The following COLEC10 variants were observed in gnomAD, a reference collection of about 807,000 sequenced individuals.
COLEC10 encodes the protein collectin-10.
In COLEC10, 22 loss-of-function variants were observed where a neutral mutation model predicts 28.4. The ratio of observed to expected loss-of-function variants is 0.78; its 90% CI spans 0.55 to 1.11. The LOEUF (loss-of-function observed/expected upper bound fraction) is 1.11, where lower values mean the gene tolerates loss of function less well. COLEC10 is among the 50% of genes least tolerant of loss of function. The probability of loss-of-function intolerance (pLI) is 0.00; values close to 1 mark genes in which losing one functional copy is unlikely to be tolerated. For missense variants in COLEC10, 361 were observed against 344.1 expected (o/e 1.05, Z -0.39); for synonymous variants, 125 against 116.1 (o/e 1.08, Z -0.49).
intron 2 of COLEC10, 137 bp from the exon 3 acceptor site, chr8:119,091,012 A>G (rs1447048627): frequency 2.3e-5 from 16 of 699,272 alleles, no homozygotes; most frequent in Middle Eastern, 2.9e-4. Flanking sequence ...ACTAGACAAT[A>G]TAGCATGGGA....
the COLEC10 span, among the ~76,000 whole-genome samples, chr8:118,962,777 CCCCTCAG>C: frequency 6.6e-6 from 1 of 152,188 alleles, no homozygotes; most frequent in Non-Finnish European, 1.5e-5. Context: ...ATTTTCCACA[CCCCTCAG>C]CCCTCAGCAA....
At chr8:119,051,370 C>A (rs957389161) in intron 2 of COLEC10, among the ~76,000 whole-genome samples, 3 of 152,116 alleles carry the variant, frequency 2.0e-5, no homozygotes, top group South Asian at 4.1e-4. Flanking sequence ...TGGCTGAGGG[C>A]AAATCTTTTA....
At chr8:119,042,307 G>GTGA (rs1431682162) in intron 2 of COLEC10, among the ~76,000 whole-genome samples, 8 of 152,176 alleles carry the variant, frequency 5.3e-5, no homozygotes, top group Non-Finnish European at 8.8e-5. Flanking sequence ...CGAAGCAATT[G>GTGA]TTAAATGTGT....
the COLEC10 span, among the ~76,000 whole-genome samples, chr8:118,975,092 G>A: frequency 6.6e-6 from 1 of 152,074 alleles, no homozygotes; most frequent in South Asian, 2.1e-4. Context: ...ATACAAACAG[G>A]AAGTTAACAT....
chr8:118,993,253 T>C (rs1813532190), upstream of COLEC10, among the ~76,000 whole-genome samples: 1 of 152,070 alleles, frequency 6.6e-6, no homozygotes, highest in African/African-American at 2.4e-5. Context: ...GTCAGCAGGA[T>C]TTTTTTTCCC....
chr8:119,102,803 T>G (rs1346703149), intron 4 of COLEC10: 1 of 172,310 alleles, frequency 5.8e-6, no homozygotes, highest in African/African-American at 2.4e-5. Flanking sequence ...GGCCCCTGGT[T>G]ACAGTACATG....
At chr8:118,967,412 T>C in the COLEC10 span, among the ~76,000 whole-genome samples, 1 of 152,116 alleles carries the variant, frequency 6.6e-6, no homozygotes, top group Non-Finnish European at 1.5e-5. Context: ...GTATAATGCT[T>C]AGGATACAAA....
chr8:119,055,103 TA>T (rs34429941), intron 2 of COLEC10, among the ~76,000 whole-genome samples: 8,166 of 152,176 alleles, frequency 0.054, 356 homozygotes, highest in East Asian at 0.16. Context: ...TTTATCTCCA[TA>T]AAAGCAGAAA....
chr8:119,026,203 G>A lies in COLEC10; in HGVS notation n.235+16650G>A, dbSNP rs551557257. Among the ~76,000 whole-genome samples, 9 of 152,218 alleles carry A rather than the reference G, an allele frequency of 5.9e-5. No individual in the cohort carries two copies. The South Asian group carries it at 1.9e-3, about 32-fold the overall frequency. On this transcript the variant is annotated intron_variant and non_coding_transcript_variant, in intron 2 of 6. Transcript: ENST00000521788. ...TGTCCTTTTATGAATAATTTTTGCA[G>A]TACTGGGCATTGCCCTAAGTTCTTT...
At chr8:118,963,418 T>TATTACA in the COLEC10 span, among the ~76,000 whole-genome samples, 1 of 152,202 alleles carries the variant, frequency 6.6e-6, no homozygotes, top group Non-Finnish European at 1.5e-5. Context: ...ACTTGTCTGA[T>TATTACA]ATTACACTCT....
chr8:118,975,307 A>T, the COLEC10 span, among the ~76,000 whole-genome samples: 1 of 152,052 alleles, frequency 6.6e-6, no homozygotes, highest in African/African-American at 2.4e-5. Context: ...GGCTTTGCTC[A>T]GGTCTTGTGT....
chr8:119,091,587 GAGAGAGAGAGAAAGAAAGAAAGAA>G (rs1457579161), intron 3 of COLEC10, among the ~76,000 whole-genome samples: 5 of 86,990 alleles, frequency 5.7e-5, no homozygotes, highest in African/African-American at 1.7e-4. Flanking sequence ...GAGAGAGAGA[GAGAGAGAGAGAAAGAAAGAAAGAA>G]AGAAAGAAAG....
At chr8:119,087,421 A>C (rs1815502083) in intron 1 of COLEC10, among the ~76,000 whole-genome samples, 1 of 152,156 alleles carries the variant, frequency 6.6e-6, no homozygotes, top group African/African-American at 2.4e-5. Context: ...TTCTAGCTTT[A>C]CCTTTGCTAA....
At chr8:118,955,036 A>T in the COLEC10 span, among the ~76,000 whole-genome samples, 1 of 152,234 alleles carries the variant, frequency 6.6e-6, no homozygotes, top group South Asian at 2.1e-4. Flanking sequence ...GGTTCTGGTT[A>T]TGCAGAGAAA....
chr8:119,107,579 G>A lies in COLEC10; in HGVS notation c.*1388G>A, dbSNP rs1021413153. On this transcript the variant is annotated 3_prime_UTR_variant, in exon 6 of 6. Coordinates refer to ENST00000332843, the MANE Select transcript of COLEC10 (RefSeq NM_006438.5). ...AAACCATCTGTTCATGATTTCACCC[G>A]TGACTAACTGGTTATGAGATAGGAC... Among the ~76,000 whole-genome samples, 12 of 152,138 alleles carry A rather than the reference G, an allele frequency of 7.9e-5. No homozygotes were observed. Among genetic ancestry groups the A allele is most frequent in the Non-Finnish European group, 1.6e-4 (11 of 68,030 alleles).
chr8:118,995,198 G>T (rs1474804849), upstream of COLEC10, among the ~76,000 whole-genome samples: 1 of 152,144 alleles, frequency 6.6e-6, no homozygotes, highest in African/African-American at 2.4e-5. Flanking sequence ...CAAAGGTGTA[G>T]GTCTTTCCCT....
At chr8:119,015,435 C>T (rs1327560825) in intron 2 of COLEC10, among the ~76,000 whole-genome samples, 1 of 146,592 alleles carries the variant, frequency 6.8e-6, no homozygotes, top group Non-Finnish European at 1.5e-5. Flanking sequence ...ATAGTTTCTG[C>T]TGAAGGCAGA....
intron 2 of COLEC10, among the ~76,000 whole-genome samples, chr8:119,049,401 C>CTAT: frequency 1.7e-5 from 1 of 60,070 alleles, no homozygotes; most frequent in African/African-American, 7.3e-5. Context: ...ATTTTCTTTT[C>CTAT]TTTTTTTTTT....
the COLEC10 span, among the ~76,000 whole-genome samples, chr8:118,954,113 G>A: frequency 3.3e-5 from 5 of 152,292 alleles, no homozygotes; most frequent in South Asian, 4.1e-4. Context: ...TATGGTATTC[G>A]CTGAAGCTTT....
Sources: gnomAD v4.1 joint callset for allele counts (sites outside exome capture counted in the v4.1 genomes callset) on GRCh38, gnomAD v4.1.1 for gene constraint, MANE v1.5 for transcripts, NCBI Gene and HGNC (gene_info 2026-07-23, HGNC 2026-07-21) for gene names.